The following OR9G4 variants were observed in gnomAD, a reference collection of about 807,000 sequenced individuals.
OR9G4 encodes olfactory receptor 9G4.
OR9G4 carries 19 observed loss-of-function variants against 16.7 expected under a neutral mutation model. That is an observed-to-expected ratio of 1.14 (90% CI 0.79 to 1.67). The LOEUF is 1.67. Ranked by LOEUF, OR9G4 falls within the 40% of genes most tolerant of loss-of-function variation. OR9G4 has a pLI of 0.00. For synonymous variants in OR9G4, 182 were observed against 146.2 expected (o/e 1.24, Z -1.76); for missense variants, 428 against 370.4 (o/e 1.16, Z -1.28).
At chr11:56,746,236 T>C (rs930512640) in intron 1 of OR9G4, among the ~76,000 whole-genome samples, 1 of 127,686 alleles carries the variant, frequency 7.8e-6, no homozygotes, top group Non-Finnish European at 1.5e-5. Flanking sequence ...GAGCTTGCAG[T>C]GAGCCGAGAT....
intron 1 of OR9G4, among the ~76,000 whole-genome samples, chr11:56,746,415 G>C (rs553697042): frequency 6.6e-6 from 1 of 151,474 alleles, no homozygotes; most frequent in Admixed American, 6.6e-5. Flanking sequence ...GACTCATGAA[G>C]CTCTTTGAGA....
chr11:56,742,069 A>G lies in OR9G4; in HGVS notation c.*759T>C, dbSNP rs1257560108. On this transcript the variant is annotated 3_prime_UTR_variant, in exon 2 of 2. Transcript: ENST00000641668. ...GTCTTTTGGTCAGGACAAAGGAAAG[A>G]GAAAGGTAACTAGGGAACAGTGGTT... The G allele has an allele frequency of 6.6e-6, 1 of 152,372 alleles. No individual in the cohort carries two copies. The highest frequency in any genetic ancestry group is 1.5e-5 in the Non-Finnish European group (1 of 68,082). The allele number at this position is 152,372 out of a possible 1,614,324, so 9.4% of individuals were successfully genotyped here. A position where few individuals can be genotyped will look rare whatever the true frequency, so the allele number is the denominator to read the frequency against.
Position 56,743,569 on chromosome 11 carries a change from C to A in OR9G4, c.198G>T (p.Leu66=). ...HTPMYFFIGN[L]SFLDFWYTSV... is the part of the protein sequence containing the mutation. Reference sequence around the variant, plus strand: ...AGGTATACCAGAAATCCAAAAAAGACAGATTGCCAATGAAAAAGTACATAG... The same window carrying A: ...AGGTATACCAGAAATCCAAAAAAGAAAGATTGCCAATGAAAAAGTACATAG... Residue 66 remains leucine (L), a synonymous_variant, in exon 2 of 2, where the codon CTG becomes CTT. Coordinates refer to ENST00000641668, the MANE Select transcript of OR9G4 (RefSeq NM_001005284.2). The A allele has an allele frequency of 6.2e-7, 1 of 1,614,162 alleles. No homozygotes were observed. The highest frequency in any genetic ancestry group is 1.1e-5 in the South Asian group (1 of 91,084).
At position 56,743,533 on chromosome 11, in the gene OR9G4, G is replaced by A. The variant is rs1858349099; in HGVS notation, c.234C>T (p.Thr78=). ...FLDFWYTSVY[T]PKILASCVSE... ...AGACACAACTGGCCAGGATTTTGGG[G>A]GTATACACAGAGGTATACCAGAAAT... Residue 78 remains threonine (T), a synonymous_variant, in exon 2 of 2, where the codon ACC becomes ACT. Coordinates refer to ENST00000641668, the MANE Select transcript of OR9G4 (RefSeq NM_001005284.2). 6.2e-7 allele frequency: 1 copy of A among 1,613,894 alleles called. No homozygotes were observed. The highest frequency in any genetic ancestry group is 8.5e-7 in the Non-Finnish European group (1 of 1,180,016).
Position 56,742,734 on chromosome 11 carries a change from T to C in OR9G4, c.*94A>G, listed in dbSNP as rs1858320308. ...ATTTTAATGTTTTAAATATGACTTA[T>C]TGAACTTAATTGAACTACAGAAATG... On this transcript the variant is annotated 3_prime_UTR_variant, in exon 2 of 2. Coordinates refer to ENST00000641668, the MANE Select transcript of OR9G4 (RefSeq NM_001005284.2). 1 of 1,059,114 alleles carries C rather than the reference T, an allele frequency of 9.4e-7. No individual in the cohort carries two copies. Among genetic ancestry groups the C allele is most frequent in the Non-Finnish European group, 1.4e-6 (1 of 720,168 alleles). The allele number at this position is 1,059,114 out of a possible 1,614,324, so 65.6% of individuals were successfully genotyped here. A position where few individuals can be genotyped will look rare whatever the true frequency, so the allele number is the denominator to read the frequency against.
In OR9G4 at chr11:56,743,548, A is replaced by G. The variant is rs760796800; in HGVS notation, c.219T>C (p.Tyr73=). ...IGNLSFLDFW[Y]TSVYTPKILA... ...GGATTTTGGGGGTATACACAGAGGT[A>G]TACCAGAAATCCAAAAAAGACAGAT... is the stretch of plus-strand genomic sequence containing the variant. The change falls in exon 2 of 2, where the codon TAT becomes TAC. Residue 73 remains tyrosine, a synonymous_variant. Coordinates refer to ENST00000641668, the MANE Select transcript of OR9G4 (RefSeq NM_001005284.2). 1 of 1,614,212 alleles carries G rather than the reference A, an allele frequency of 6.2e-7. No homozygotes were observed. The highest frequency in any genetic ancestry group is 8.5e-7 in the Non-Finnish European group (1 of 1,180,028).
chr11:56,744,867 C>T (rs1320238205), intron 1 of OR9G4, among the ~76,000 whole-genome samples: 3 of 152,152 alleles, frequency 2.0e-5, no homozygotes, highest in South Asian at 4.1e-4. Flanking sequence ...CCTACAGTGG[C>T]GCTAAGAGCT....
chr11:56,748,559 T>C (rs1190920997), intron 1 of OR9G4, 97 bp downstream of exon 1: 1 of 152,262 alleles, frequency 6.6e-6, no homozygotes, highest in East Asian at 1.9e-4. Flanking sequence ...AGTAAATCGT[T>C]TGACAGCCGT....
intron 1 of OR9G4, among the ~76,000 whole-genome samples, chr11:56,744,982 G>C (rs1294107412): frequency 2.6e-5 from 4 of 152,150 alleles, no homozygotes; most frequent in Non-Finnish European, 4.4e-5. Context: ...TTCTTACTTG[G>C]TAGTTCCATA....
rs2135057492 is a variant in OR9G4 at position 56,742,864 on chromosome 11, G to A, written c.903C>T (p.Phe301=). 1.9e-6 allele frequency: 3 copies of A among 1,613,970 alleles called. No homozygotes were observed. Among genetic ancestry groups the A allele is most frequent in the Non-Finnish European group, 1.7e-6 (2 of 1,179,860 alleles). ...GTTGTATAGTCTGTGTTGCTTTCCT[G>A]AAGGCCTCTTTGATATCTTTGTTTC... is the stretch of plus-strand genomic sequence containing the variant. ...SLRNKDIKEA[F]RKATQTIQPQ... Residue 301 remains phenylalanine, a synonymous_variant, in exon 2 of 2, where the codon TTC becomes TTT. Coordinates refer to ENST00000641668, the MANE Select transcript of OR9G4 (RefSeq NM_001005284.2).
chr11:56,745,619 A>C (rs1327103881), intron 1 of OR9G4, among the ~76,000 whole-genome samples: 1 of 152,048 alleles, frequency 6.6e-6, no homozygotes, highest in Non-Finnish European at 1.5e-5. Flanking sequence ...GTCTCTACTA[A>C]AAATCAGCCA....
At chr11:56,747,586 A>G (rs1363561477) in intron 1 of OR9G4, among the ~76,000 whole-genome samples, 1 of 152,174 alleles carries the variant, frequency 6.6e-6, no homozygotes, top group Non-Finnish European at 1.5e-5. Flanking sequence ...GTTCCTAGTC[A>G]TGAATTAGCA....
At chr11:56,745,864 C>T (rs1858400543) in intron 1 of OR9G4, among the ~76,000 whole-genome samples, 1 of 152,058 alleles carries the variant, frequency 6.6e-6, no homozygotes, top group African/African-American at 2.4e-5. Flanking sequence ...ATTAACAGTC[C>T]TTACATACAC....
intron 1 of OR9G4, among the ~76,000 whole-genome samples, chr11:56,747,822 C>T (rs573931592): frequency 6.6e-6 from 1 of 152,014 alleles, no homozygotes; most frequent in Admixed American, 6.6e-5. Context: ...TTACAGACAC[C>T]CACCACCATG....
At chr11:56,745,522 G>A (rs1413971201) in intron 1 of OR9G4, among the ~76,000 whole-genome samples, 1 of 152,142 alleles carries the variant, frequency 6.6e-6, no homozygotes, top group Non-Finnish European at 1.5e-5. Context: ...GCTCACACCT[G>A]TAATCCCAGC....
intron 1 of OR9G4, chr11:56,744,100 C>T (rs2135059718): frequency 3.2e-6 from 1 of 316,722 alleles, no homozygotes; most frequent in African/African-American, 2.2e-5. Flanking sequence ...TGGAATCTCA[C>T]TCTGTCACCC....
intron 1 of OR9G4, among the ~76,000 whole-genome samples, chr11:56,746,700 G>C (rs1487228833): frequency 6.6e-6 from 1 of 152,068 alleles, no homozygotes; most frequent in Non-Finnish European, 1.5e-5. Flanking sequence ...TCCCCATATT[G>C]GTTAATAAGA....
intron 1 of OR9G4, among the ~76,000 whole-genome samples, chr11:56,748,424 T>C (rs1238429872): frequency 1.3e-5 from 2 of 152,218 alleles, no homozygotes; most frequent in African/African-American, 2.4e-5. Flanking sequence ...TGAGTGAATA[T>C]ATGATGGCCC....
Position 56,742,660 on chromosome 11 carries a change from GT to G in OR9G4, c.*167del. 1 of 624,894 alleles carries G rather than the reference GT, an allele frequency of 1.6e-6. No individual in the cohort carries two copies. Among genetic ancestry groups the G allele is most frequent in the Non-Finnish European group, 2.8e-6 (1 of 363,178 alleles). 38.7% of individuals were successfully genotyped at this position (624,894 alleles called of 1,614,324 possible). ...TATTATAAGTTTTAAATATTACTTT[GT>G]TTTGTTTACATCATAACAAACGAAT... On this transcript the variant is annotated 3_prime_UTR_variant, in exon 2 of 2. Coordinates refer to ENST00000641668, the MANE Select transcript of OR9G4 (RefSeq NM_001005284.2).
Sources: gnomAD v4.1 joint callset for allele counts (sites outside exome capture counted in the v4.1 genomes callset) on GRCh38, gnomAD v4.1.1 for gene constraint, MANE v1.5 for transcripts, NCBI Gene and HGNC (gene_info 2026-07-23, HGNC 2026-07-21) for gene names.